Variants in INO80D observed in about 807,000 individuals in gnomAD.
The protein encoded by INO80D is INO80 complex subunit D.
In INO80D, 21 loss-of-function variants were observed where a neutral mutation model predicts 87.6. The ratio of observed to expected loss-of-function variants is 0.24; its 90% CI spans 0.17 to 0.35. INO80D has a LOEUF of 0.35. INO80D is among the 10% of genes least tolerant of loss of function. The pLI is 1.00. For synonymous variants in INO80D, 440 were observed against 491.0 expected (o/e 0.90, Z 1.37); for missense variants, 982 against 1,280.7 (o/e 0.77, Z 3.56).
intron 6 of INO80D, among the ~76,000 whole-genome samples, chr2:206,025,082 T>TC (rs1688568549): frequency 1.3e-5 from 2 of 152,160 alleles, no homozygotes; most frequent in East Asian, 1.9e-4. Flanking sequence ...ACCCTTTTTT[T>TC]CCCTCAAGTG....
intron 1 of INO80D, among the ~76,000 whole-genome samples, chr2:206,084,448 C>T (rs1336814797): frequency 6.6e-6 from 1 of 152,114 alleles, no homozygotes; most frequent in Non-Finnish European, 1.5e-5. Context: ...AACTACTGAT[C>T]CTTAAACTGT....
intron 6 of INO80D, among the ~76,000 whole-genome samples, chr2:206,026,046 C>A (rs1403776270): frequency 6.6e-6 from 1 of 151,920 alleles, no homozygotes; most frequent in Non-Finnish European, 1.5e-5. Context: ...TACAGGTGCA[C>A]GCCACCACAC....
At chr2:206,059,211 T>C (rs1689618552) in intron 3 of INO80D, among the ~76,000 whole-genome samples, 1 of 152,016 alleles carries the variant, frequency 6.6e-6, no homozygotes, top group South Asian at 2.1e-4. Context: ...TGAAACCCTG[T>C]CTCTACTAAA....
At chr2:206,036,450 G>A (rs913502182) in intron 5 of INO80D, among the ~76,000 whole-genome samples, 1 of 152,144 alleles carries the variant, frequency 6.6e-6, no homozygotes, top group African/African-American at 2.4e-5. Context: ...GATGAGATTG[G>A]AGACTATTAT....
rs2105920082 is a variant in INO80D at position 206,085,617 on chromosome 2, G to A, written c.-124+284C>T. On this transcript the variant is annotated intron_variant, in intron 1 of 10. Transcript: ENST00000403263. The surrounding 1 kb of genome is among the most constrained non-coding windows in gnomAD (Gnocchi z 4.5). Reference sequence around the variant, plus strand: ...CCCCTCCCGCCGCACACCCCCACCTGGCCCGCGCAGGCCGCTCCGCTCGCC... The same window carrying A: ...CCCCTCCCGCCGCACACCCCCACCTAGCCCGCGCAGGCCGCTCCGCTCGCC... 1 of 146,252 alleles carries A rather than the reference G, an allele frequency of 6.8e-6. No homozygotes were observed. The highest frequency in any genetic ancestry group is 1.5e-5 in the Non-Finnish European group (1 of 66,182). The allele number at this position is 146,252 out of a possible 1,614,324, so 9.1% of individuals were successfully genotyped here. A position where few individuals can be genotyped will look rare whatever the true frequency, so the allele number is the denominator to read the frequency against.
intron 1 of INO80D, among the ~76,000 whole-genome samples, chr2:206,077,068 T>C (rs1690138589): frequency 6.6e-6 from 1 of 152,020 alleles, no homozygotes; most frequent in South Asian, 2.1e-4. Context: ...GGTCAGGAGA[T>C]CGAGACCATC....
rs112233930 is a variant in INO80D at position 206,007,535 on chromosome 2, C to T, written c.1761-94G>A. 7.6e-5 allele frequency: 108 copies of T among 1,423,750 alleles called. 2 individuals carry two copies. The highest frequency in any genetic ancestry group is 2.3e-4 in the African/African-American group (16 of 69,492). The allele number at this position is 1,423,750 out of a possible 1,614,324, so 88.2% of individuals were successfully genotyped here. A position where few individuals can be genotyped will look rare whatever the true frequency, so the allele number is the denominator to read the frequency against. On this transcript the variant is annotated intron_variant, in intron 9 of 10. Coordinates refer to ENST00000403263, the MANE Select transcript of INO80D (RefSeq NM_017759.5). ...TTCATTCAACATGAAAAGAAGCTAA[C>T]GTCAGGCAGGGCACAGTGGCTCACA...
intron 8 of INO80D, among the ~76,000 whole-genome samples, chr2:206,011,786 C>CA (rs1394176439): frequency 6.6e-6 from 1 of 152,098 alleles, no homozygotes; most frequent in South Asian, 2.1e-4. Flanking sequence ...ACAGTAGTAA[C>CA]AAAAAAATGG....
At position 205,994,995 on chromosome 2, in the gene INO80D, C is replaced by T. The variant is rs1195387445; in HGVS notation, c.*9373G>A. On this transcript the variant is annotated 3_prime_UTR_variant, in exon 11 of 11. Transcript: ENST00000403263. The stretch of plus-strand genomic sequence containing the variant: ...CCTTCTTTCAAATTTGAATTTTGAA[C>T]AAGGCAAAATAACAATTAGGTGATA... 1 of 151,668 alleles carries T rather than the reference C, an allele frequency of 6.6e-6. No individual in the cohort carries two copies. The highest frequency in any genetic ancestry group is 1.9e-4 in the East Asian group (1 of 5,172). 9.4% of individuals were successfully genotyped at this position (151,668 alleles called of 1,614,324 possible).
chr2:206,045,526 G>A (rs979819022), intron 5 of INO80D, among the ~76,000 whole-genome samples: 1 of 152,078 alleles, frequency 6.6e-6, no homozygotes, highest in Non-Finnish European at 1.5e-5. Context: ...ATGCTAAAAG[G>A]AGTCTCCTAA....
At position 205,998,906 on chromosome 2, in the gene INO80D, A is replaced by G. The variant is rs1687855516; in HGVS notation, c.*5462T>C. 6.6e-6 allele frequency: 1 copy of G among 152,222 alleles called. No homozygotes were observed. Among genetic ancestry groups the G allele is most frequent in the Non-Finnish European group, 1.5e-5 (1 of 68,052 alleles). The allele number at this position is 152,222 out of a possible 1,614,324, so 9.4% of individuals were successfully genotyped here. On this transcript the variant is annotated 3_prime_UTR_variant, in exon 11 of 11. Coordinates refer to ENST00000403263, the MANE Select transcript of INO80D (RefSeq NM_017759.5). ...ATACTATACAGTGAAAAGAACTATCACTGTTGAGAGGAACAGATTCAACCC... is the reference window on the plus strand; with the variant it reads ...ATACTATACAGTGAAAAGAACTATCGCTGTTGAGAGGAACAGATTCAACCC...
At chr2:206,044,426 T>C (rs1055959980) in intron 5 of INO80D, among the ~76,000 whole-genome samples, 1 of 115,942 alleles carries the variant, frequency 8.6e-6, no homozygotes, top group African/African-American at 3.4e-5. Flanking sequence ...AGGAAAAGAA[T>C]GAAGGGGAAA....
intron 3 of INO80D, among the ~76,000 whole-genome samples, chr2:206,060,516 T>C (rs1052850309): frequency 1.4e-4 from 20 of 147,302 alleles, no homozygotes; most frequent in African/African-American, 4.6e-4. Context: ...TAGGCAACAG[T>C]TGAGCGAGAC....
chr2:206,046,553 A>G lies in INO80D; in HGVS notation c.1024T>C (p.Tyr342His), dbSNP rs767743342. ...TCCCGGATGGACCATGCAACCTGGT[A>G]GGGCGAGGCCTGCTCTGAGTCCTCT... ...EPEDSEQASP[Y>H]QVAWSIRETL... Residue 342 changes from tyrosine to histidine, a missense_variant, in exon 5 of 11, where the codon TAC (tyrosine) becomes CAC (histidine). Physicochemically the swap from Tyr to His is moderately conservative, Grantham distance 83. Coordinates refer to ENST00000403263, the MANE Select transcript of INO80D (RefSeq NM_017759.5). The G allele has an allele frequency of 5.9e-5, 96 of 1,613,790 alleles. No individual in the cohort carries two copies. The highest frequency in any genetic ancestry group is 7.8e-5 in the Non-Finnish European group (92 of 1,179,812).
rs1169012097 is a variant in INO80D at position 205,997,602 on chromosome 2, C to A, written c.*6766G>T. On this transcript the variant is annotated 3_prime_UTR_variant, in exon 11 of 11. Coordinates refer to ENST00000403263, the MANE Select transcript of INO80D (RefSeq NM_017759.5). Reference sequence around the variant, plus strand: ...ATCACCACAATAGATAAACACAGCTCATGTCTGGGGCTGTCTGTCTCCCTC... The same window carrying A: ...ATCACCACAATAGATAAACACAGCTAATGTCTGGGGCTGTCTGTCTCCCTC... The A allele has an allele frequency of 6.6e-6, 1 of 152,108 alleles. No individual in the cohort carries two copies. The highest frequency in any genetic ancestry group is 1.5e-5 in the Non-Finnish European group (1 of 67,966). 9.4% of individuals were successfully genotyped at this position (152,108 alleles called of 1,614,324 possible).
Position 205,996,280 on chromosome 2 carries a change from C to T in INO80D, c.*8088G>A, listed in dbSNP as rs962532256. On this transcript the variant is annotated 3_prime_UTR_variant, in exon 11 of 11. Transcript: ENST00000403263. The stretch of plus-strand genomic sequence containing the variant: ...ATATGCTTAAGCCAGATGCTTCTGG[C>T]TAGAAGAGACAGAATTAAGGGGGAA... 30 of 147,814 alleles carry T rather than the reference C, an allele frequency of 2.0e-4. No individual in the cohort carries two copies. Among genetic ancestry groups the T allele is most frequent in the African/African-American group, 7.4e-4 (30 of 40,312 alleles). The allele number at this position is 147,814 out of a possible 1,614,324, so 9.2% of individuals were successfully genotyped here.
intron 10 of INO80D, among the ~76,000 whole-genome samples, chr2:206,005,990 C>T (rs1688013971): frequency 6.6e-6 from 1 of 152,158 alleles, no homozygotes; most frequent in African/African-American, 2.4e-5. Context: ...TGGAGGGCAG[C>T]TGTGGAAGGT....
chr2:206,015,917 A>G (rs1688305932), intron 8 of INO80D, among the ~76,000 whole-genome samples: 1 of 151,972 alleles, frequency 6.6e-6, no homozygotes, highest in African/African-American at 2.4e-5. Flanking sequence ...AAATGCCTGG[A>G]TGCCCAGGCA....
intron 3 of INO80D, among the ~76,000 whole-genome samples, chr2:206,059,366 G>T (rs987270304): frequency 1.2e-4 from 18 of 152,132 alleles, no homozygotes; most frequent in African/African-American, 3.9e-4. Context: ...GGGCAACAGA[G>T]TGAGACTCAG....
Sources: gnomAD v4.1 joint callset for allele counts (sites outside exome capture counted in the v4.1 genomes callset) on GRCh38, gnomAD v4.1.1 for gene constraint, Gnocchi (gnomAD v3.1) non-coding constraint, MANE v1.5 for transcripts, NCBI Gene and HGNC (gene_info 2026-07-23, HGNC 2026-07-21) for gene names.